ZFYVE9: variants seen among roughly 807,000 people sequenced by gnomAD.
The protein encoded by ZFYVE9 is zinc finger FYVE-type containing 9.
A neutral mutation model predicts 126.7 loss-of-function variants in ZFYVE9; 43 were observed. The ratio of observed to expected loss-of-function variants is 0.34; its 90% CI spans 0.27 to 0.44. The LOEUF (loss-of-function observed/expected upper bound fraction) is 0.44, where lower values mean the gene tolerates loss of function less well. ZFYVE9 is among the 20% of genes least tolerant of loss of function. The pLI, the probability that ZFYVE9 is intolerant of heterozygous loss-of-function variation, is 1.00. For missense variants in ZFYVE9, 1,476 were observed against 1,697.0 expected (o/e 0.87, Z 2.29); for synonymous variants, 521 against 597.4 (o/e 0.87, Z 1.87).
intron 12 of ZFYVE9, among the ~76,000 whole-genome samples, chr1:52,297,052 T>C (rs2820330): frequency 0.21 from 31,531 of 151,870 alleles, 6,482 homozygotes; most frequent in African/African-American, 0.54. Context: ...ATGATTCACC[T>C]GCCTCAGCCT....
At position 52,216,443 on chromosome 1, in the gene ZFYVE9, C is replaced by G. The variant is rs1444948292; in HGVS notation, c.-68C>G. 1 of 398,458 alleles carries G rather than the reference C, an allele frequency of 2.5e-6. No homozygotes were observed. The highest frequency in any genetic ancestry group is 3.6e-5 in the East Asian group (1 of 28,066). 24.7% of individuals were successfully genotyped at this position (398,458 alleles called of 1,614,324 possible). ...ACATCATGAGTAAGCACCGAGAAGT[C>G]TGTTCCTTATCACGTGTGTAAGGGG... is the stretch of plus-strand genomic sequence containing the variant. On this transcript the variant is annotated 5_prime_UTR_variant, in exon 2 of 19. Transcript: ENST00000287727.
At chr1:52,247,686 G>A (rs13375737) in intron 4 of ZFYVE9, among the ~76,000 whole-genome samples, 3,347 of 152,010 alleles carry the variant, frequency 0.022, 107 homozygotes, top group African/African-American at 0.075. Context: ...TAGTAGAGAC[G>A]GGGTTTCGCC....
At chr1:52,300,509 T>C (rs1370311761) in intron 12 of ZFYVE9, among the ~76,000 whole-genome samples, 2 of 151,768 alleles carry the variant, frequency 1.3e-5, no homozygotes, top group African/African-American at 4.8e-5. Context: ...GAGAATCTTT[T>C]GAACCTGGGA....
intron 13 of ZFYVE9, among the ~76,000 whole-genome samples, chr1:52,312,085 C>T (rs1414389758): frequency 2.6e-4 from 39 of 152,194 alleles, no homozygotes; most frequent in Admixed American, 2.6e-3. Context: ...GCCACCACAC[C>T]TGGCTTCATT....
chr1:52,219,201 T>G (rs1330254257), intron 2 of ZFYVE9, among the ~76,000 whole-genome samples: 2 of 152,142 alleles, frequency 1.3e-5, no homozygotes, highest in African/African-American at 4.8e-5. Context: ...GCTAGCTGTC[T>G]TTGACTATGG....
intron 4 of ZFYVE9, among the ~76,000 whole-genome samples, chr1:52,257,875 G>A (rs1353460767): frequency 6.6e-6 from 1 of 152,138 alleles, no homozygotes; most frequent in Non-Finnish European, 1.5e-5. Context: ...ATAGGCGCCT[G>A]CCACCACTCC....
intron 1 of ZFYVE9, among the ~76,000 whole-genome samples, chr1:52,156,596 C>T (rs1239925374): frequency 6.6e-6 from 1 of 152,208 alleles, no homozygotes; most frequent in African/African-American, 2.4e-5. Flanking sequence ...CCAAGTATGC[C>T]AATCCCATTT....
At chr1:52,297,410 T>C (rs1645987965) in intron 12 of ZFYVE9, among the ~76,000 whole-genome samples, 1 of 152,038 alleles carries the variant, frequency 6.6e-6, no homozygotes, top group Non-Finnish European at 1.5e-5. Context: ...GCTAATTTTT[T>C]GTATTTTTCA....
At chr1:52,209,404 A>G (rs1645007405) in intron 1 of ZFYVE9, among the ~76,000 whole-genome samples, 1 of 152,192 alleles carries the variant, frequency 6.6e-6, no homozygotes, top group African/African-American at 2.4e-5. Flanking sequence ...GGTTTTCAGT[A>G]TATTCACAGA....
intron 1 of ZFYVE9, among the ~76,000 whole-genome samples, chr1:52,204,929 A>G (rs1336173941): frequency 6.6e-6 from 1 of 152,124 alleles, no homozygotes; most frequent in Non-Finnish European, 1.5e-5. Context: ...CAATTTGTCA[A>G]TTATAATTCA....
At chr1:52,205,532 T>G (rs550098984) in intron 1 of ZFYVE9, among the ~76,000 whole-genome samples, 218 of 140,110 alleles carry the variant, frequency 1.6e-3, no homozygotes, top group African/African-American at 6.6e-3. Flanking sequence ...CCTGGCTAAT[T>G]AAATTTTTTT....
intron 7 of ZFYVE9, 64 bp from the exon 8 acceptor site, chr1:52,274,400 A>G: frequency 6.8e-7 from 1 of 1,477,428 alleles, no homozygotes. Flanking sequence ...TTGTATTTTT[A>G]ATTATGTCCT....
intron 1 of ZFYVE9, among the ~76,000 whole-genome samples, chr1:52,214,872 C>T (rs1268579474): frequency 6.6e-6 from 1 of 152,116 alleles, no homozygotes; most frequent in Admixed American, 6.5e-5. Flanking sequence ...AGAGAATTCC[C>T]TCTTCCTCAA....
intron 1 of ZFYVE9, among the ~76,000 whole-genome samples, chr1:52,200,993 A>G (rs1227935311): frequency 2.6e-5 from 4 of 152,214 alleles, no homozygotes; most frequent in Non-Finnish European, 5.9e-5. Flanking sequence ...TATAAATTTT[A>G]GGATCAATTT....
rs891573563 is a variant in ZFYVE9 at position 52,281,115 on chromosome 1, T to TTTTTC, written c.2870-526_2870-522dup. ...ATTTCTTTTACTTCCATTTCAATCA[T>TTTTTC]TTTTCTTTTCTTTTCTTTTCTTTTT... On this transcript the variant is annotated intron_variant, in intron 9 of 18. Coordinates refer to ENST00000287727, the MANE Select transcript of ZFYVE9 (RefSeq NM_004799.4). 5.9e-5 allele frequency among the ~76,000 whole-genome samples: 9 copies of TTTTTC among 151,540 alleles called. No individual in the cohort carries two copies. In the East Asian group the frequency reaches 7.7e-4, roughly 13 times the overall value.
intron 1 of ZFYVE9, among the ~76,000 whole-genome samples, chr1:52,187,121 G>A (rs918273372): frequency 7.2e-5 from 11 of 151,902 alleles, no homozygotes; most frequent in African/African-American, 2.2e-4. Flanking sequence ...AAACAGACAC[G>A]TAAACCAATG....
At chr1:52,292,093 A>G (rs2147828457) in intron 10 of ZFYVE9, among the ~76,000 whole-genome samples, 1 of 152,066 alleles carries the variant, frequency 6.6e-6, no homozygotes, top group Admixed American at 6.6e-5. Context: ...AGTCTGGCCA[A>G]CATGGTGAAA....
chr1:52,300,761 G>T, intron 12 of ZFYVE9, among the ~76,000 whole-genome samples: 1 of 151,020 alleles, frequency 6.6e-6, no homozygotes, highest in South Asian at 2.1e-4. Flanking sequence ...AATTATTTTA[G>T]CTTTTGTATT....
intron 8 of ZFYVE9, 71 bp from the exon 9 acceptor site, chr1:52,278,421 A>G (rs1645769330): frequency 1.3e-6 from 2 of 1,578,304 alleles, no homozygotes; most frequent in South Asian, 1.1e-5. Context: ...TAATTAGCTC[A>G]TTTCTCCATC....
Sources: gnomAD v4.1 joint callset for allele counts (sites outside exome capture counted in the v4.1 genomes callset) on GRCh38, gnomAD v4.1.1 for gene constraint, MANE v1.5 for transcripts, NCBI Gene and HGNC (gene_info 2026-07-23, HGNC 2026-07-21) for gene names.